SEMA3D: variants seen among roughly 807,000 people sequenced by gnomAD.
The protein encoded by SEMA3D is semaphorin-3D.
In SEMA3D, 84 loss-of-function variants were observed where a neutral mutation model predicts 100.1. The ratio of observed to expected loss-of-function variants is 0.84; its 90% CI spans 0.70 to 1.01. The LOEUF is 1.01. Among genes scored for constraint, SEMA3D ranks in the 50% least tolerant of loss-of-function variants. The pLI is 0.00. For synonymous variants in SEMA3D, 312 were observed against 320.7 expected, an observed-to-expected ratio of 0.97 and a Z score of 0.29; for missense variants, 875 against 934.1, an observed-to-expected ratio of 0.94 and a Z score of 0.82.
At chr7:85,137,625 A>T (rs1205157415) in intron 2 of SEMA3D, among the ~76,000 whole-genome samples, 1 of 152,090 alleles carries the variant, frequency 6.6e-6, no homozygotes, top group Non-Finnish European at 1.5e-5. Flanking sequence ...CTTGACCCAT[A>T]GACTTCAATC....
At chr7:85,209,074 AAT>A in the SEMA3D span, among the ~76,000 whole-genome samples, 22 of 152,090 alleles carry the variant, frequency 1.4e-4, no homozygotes, top group African/African-American at 4.8e-4. Context: ...GAAATGACAA[AAT>A]ATGTTAATTA....
the SEMA3D span, among the ~76,000 whole-genome samples, chr7:85,249,473 T>C: frequency 6.6e-6 from 1 of 152,190 alleles, no homozygotes; most frequent in African/African-American, 2.4e-5. Context: ...TGTATCAATA[T>C]TGGGTTACCA....
At chr7:85,098,051 G>A in intron 3 of SEMA3D, 86 bp from the exon 4 acceptor site, 24 of 666,716 alleles carry the variant, frequency 3.6e-5, no homozygotes, top group Middle Eastern at 4.4e-4. Context: ...GAAAGAAAAA[G>A]AAAGGAAAGA....
chr7:85,084,570 G>T lies in SEMA3D; in HGVS notation c.313-2991C>A, dbSNP rs372756023. ...GATGCAGACCTTGTGCCTAGGAAAG[G>T]TTTTTTTTTTCAATAATATTTTCTT... On this transcript the variant is annotated intron_variant, in intron 4 of 18. Transcript: ENST00000284136. Among the ~76,000 whole-genome samples, 652 of 145,944 alleles carry T rather than the reference G, an allele frequency of 4.5e-3. 9 individuals carry two copies. The highest frequency in any genetic ancestry group is 0.015 in the African/African-American group (601 of 39,720).
At chr7:85,078,465 A>C (rs569819970) in intron 5 of SEMA3D, among the ~76,000 whole-genome samples, 1 of 152,152 alleles carries the variant, frequency 6.6e-6, no homozygotes, top group African/African-American at 2.4e-5. Flanking sequence ...TTGAGCTGAC[A>C]AACAGAGCCC....
At chr7:85,223,185 C>A in the SEMA3D span, among the ~76,000 whole-genome samples, 5 of 151,944 alleles carry the variant, frequency 3.3e-5, no homozygotes, top group Admixed American at 1.3e-4. Flanking sequence ...AAAAGGGAAC[C>A]CTTTTACACT....
chr7:84,997,204 T>C lies in SEMA3D; in HGVS notation c.*2236A>G, dbSNP rs1789525672. 6.6e-6 allele frequency: 1 copy of C among 152,052 alleles called. No individual in the cohort carries two copies. Among genetic ancestry groups the C allele is most frequent in the Admixed American group, 6.6e-5 (1 of 15,262 alleles). The allele number at this position is 152,052 out of a possible 1,614,324, so 9.4% of individuals were successfully genotyped here. A position where few individuals can be genotyped will look rare whatever the true frequency, so the allele number is the denominator to read the frequency against. ...TTGGACATTCAAATTTGGATAGAAA[T>C]AAAATTTATTTTCATAAGTCAATCC... On this transcript the variant is annotated 3_prime_UTR_variant, in exon 19 of 19. Coordinates refer to ENST00000284136, the MANE Select transcript of SEMA3D (RefSeq NM_001384900.1).
chr7:85,087,677 C>T (rs981569776), intron 4 of SEMA3D, among the ~76,000 whole-genome samples: 9 of 152,134 alleles, frequency 5.9e-5, no homozygotes, highest in Non-Finnish European at 1.2e-4. Context: ...TGGGTCAACA[C>T]TGTTAAACAA....
At chr7:85,159,792 G>C (rs952558909) in intron 1 of SEMA3D, 1 of 970,556 alleles carries the variant, frequency 1.0e-6, no homozygotes, top group African/African-American at 1.8e-5. Context: ...CACTTTGACA[G>C]CAGGCTATCT....
chr7:85,142,674 ATTTT>A (rs58949011), intron 2 of SEMA3D: 3,109 of 903,372 alleles, frequency 3.4e-3, no homozygotes, highest in Non-Finnish European at 3.7e-3. Context: ...GAAGGATGGC[ATTTT>A]TTTTTTTTTT....
At position 85,012,893 on chromosome 7, in the gene SEMA3D, A is replaced by G. The variant is rs532983498; in HGVS notation, c.1704-47T>C. 2.5e-5 allele frequency: 36 copies of G among 1,452,136 alleles called. No individual in the cohort carries two copies. In the South Asian group the frequency reaches 3.6e-4, roughly 15 times the overall value. 90.0% of individuals were successfully genotyped at this position (1,452,136 alleles called of 1,614,324 possible). A position where few individuals can be genotyped will look rare whatever the true frequency, so the allele number is the denominator to read the frequency against. ...TATTAGAACTTCAAGCATGATTACC[A>G]TCATATAGAAAGGCTACATCTAATA... On this transcript the variant is annotated intron_variant, in intron 16 of 18. Transcript: ENST00000284136.
At chr7:85,220,892 T>C in the SEMA3D span, among the ~76,000 whole-genome samples, 1 of 152,118 alleles carries the variant, frequency 6.6e-6, no homozygotes, top group Non-Finnish European at 1.5e-5. Context: ...CTACATAGAA[T>C]CATGTTGCAC....
At chr7:85,020,153 G>T (rs1177851214) in intron 14 of SEMA3D, 80 bp downstream of exon 14, 3 of 863,422 alleles carry the variant, frequency 3.5e-6, no homozygotes, top group South Asian at 1.4e-5. Context: ...ACCTGATGAT[G>T]TATTAAAACA....
intron 1 of SEMA3D, among the ~76,000 whole-genome samples, chr7:85,167,952 G>T (rs988004333): frequency 6.6e-6 from 1 of 151,784 alleles, no homozygotes; most frequent in Admixed American, 6.6e-5. Flanking sequence ...CTTTAGATAA[G>T]TCTACCTCTC....
chr7:85,009,190 C>T (rs1417107417), intron 17 of SEMA3D, among the ~76,000 whole-genome samples: 1 of 151,108 alleles, frequency 6.6e-6, no homozygotes, highest in Non-Finnish European at 1.5e-5. Flanking sequence ...CTCTAGATTG[C>T]AGTCAAAAAA....
At chr7:85,243,830 G>T in the SEMA3D span, among the ~76,000 whole-genome samples, 1 of 152,104 alleles carries the variant, frequency 6.6e-6, no homozygotes, top group Non-Finnish European at 1.5e-5. Context: ...TTTTCCTATT[G>T]AAGATGTTGC....
chr7:85,051,969 G>C (rs1161542146), intron 9 of SEMA3D, among the ~76,000 whole-genome samples: 1 of 151,864 alleles, frequency 6.6e-6, no homozygotes, highest in Non-Finnish European at 1.5e-5. Context: ...ACATCTACAT[G>C]GCGATTGTAT....
the SEMA3D span, among the ~76,000 whole-genome samples, chr7:85,204,971 A>G: frequency 3.3e-5 from 5 of 152,078 alleles, no homozygotes; most frequent in African/African-American, 1.2e-4. Context: ...TTTTTGGTAA[A>G]AGTCATTCTA....
intron 2 of SEMA3D, among the ~76,000 whole-genome samples, chr7:85,152,825 C>T (rs1210576368): frequency 6.6e-6 from 1 of 151,980 alleles, no homozygotes; most frequent in Non-Finnish European, 1.5e-5. Context: ...AAGGGACTAC[C>T]ATAATTGTTC....
Sources: allele counts gnomAD v4.1 joint callset (sites outside exome capture counted in the v4.1 genomes callset), GRCh38; gene constraint gnomAD v4.1.1; transcripts MANE v1.5; gene names NCBI Gene and HGNC (gene_info 2026-07-23, HGNC 2026-07-21).